The following IFFO1 variants were observed in gnomAD, a reference collection of about 807,000 sequenced individuals.
IFFO1 encodes intermediate filament family orphan 1.
IFFO1 carries 42 observed loss-of-function variants against 59.6 expected under a neutral mutation model. The observed-to-expected ratio is 0.70, with a 90% confidence interval of 0.55 to 0.91. The LOEUF is 0.91. Among genes scored for constraint, IFFO1 ranks in the 40% least tolerant of loss-of-function variants. The probability of loss-of-function intolerance (pLI) is 0.00; values close to 1 mark genes in which losing one functional copy is unlikely to be tolerated. For missense variants in IFFO1, 711 were observed against 793.2 expected, an observed-to-expected ratio of 0.90 and a Z score of 1.24; for synonymous variants, 336 against 342.8, an observed-to-expected ratio of 0.98 and a Z score of 0.22.
At position 6,555,192 on chromosome 12, in the gene IFFO1, C is replaced by T. The variant is rs1947378600; in HGVS notation, c.773+65G>A. 1.3e-6 allele frequency: 2 copies of T among 1,529,792 alleles called. No individual in the cohort carries two copies. The highest frequency in any genetic ancestry group is 1.8e-6 in the Non-Finnish European group (2 of 1,104,756). 94.8% of individuals were successfully genotyped at this position (1,529,792 alleles called of 1,614,324 possible). A position where few individuals can be genotyped will look rare whatever the true frequency, so the allele number is the denominator to read the frequency against. On this transcript the variant is annotated intron_variant, in intron 1 of 9. Transcript: ENST00000619571. This position sits in a 1 kb window ranked among gnomAD's most constrained non-coding sequence, Gnocchi z 8.6. ...CACCCCTGATTCTTCGGAACCCACA[C>T]CAACTCGCGGCCCGTTGTGAGTGGT...
intron 8 of IFFO1, among the ~76,000 whole-genome samples, chr12:6,543,122 G>T (rs927537132): frequency 6.6e-6 from 1 of 152,124 alleles, no homozygotes; most frequent in Non-Finnish European, 1.5e-5. Flanking sequence ...GAGCGGTGGG[G>T]AAGAACTGCC....
chr12:6,539,113 C>CAGTT (rs1946576718), downstream of IFFO1: 1 of 152,208 alleles, frequency 6.6e-6, no homozygotes, highest in Admixed American at 6.5e-5. Flanking sequence ...TTGCTTTGGG[C>CAGTT]AGTTACTCCC....
At position 6,548,557 on chromosome 12, in the gene IFFO1, G is replaced by C. The variant is rs758876927; in HGVS notation, c.1263-12C>G. 6.2e-7 allele frequency: 1 copy of C among 1,613,632 alleles called. No homozygotes were observed. Among genetic ancestry groups the C allele is most frequent in the Non-Finnish European group, 8.5e-7 (1 of 1,179,666 alleles). The stretch of plus-strand genomic sequence containing the variant: ...AATCATACTCCCTCCTAGAGACAGG[G>C]AACCCGGGTGTCAGGGCGGGCGGGG... On this transcript the variant is annotated splice_polypyrimidine_tract_variant and intron_variant, in intron 6 of 9. Transcript: ENST00000619571. This position sits in a 1 kb window ranked among gnomAD's most constrained non-coding sequence, Gnocchi z 6.1.
Position 6,549,683 on chromosome 12 carries a change from TC to T in IFFO1, c.1071+72del. On this transcript the variant is annotated intron_variant, in intron 4 of 9. Transcript: ENST00000619571. The surrounding 1 kb of genome is among the most constrained non-coding windows in gnomAD (Gnocchi z 5.0). The stretch of plus-strand genomic sequence containing the variant: ...CCCAAGCAGGAGGCAGGGCCTGCGT[TC>T]CAGGCCAGCCGCCACGGAAGCATCC... The T allele has an allele frequency of 6.4e-7, 1 of 1,551,588 alleles. No individual in the cohort carries two copies. The highest frequency in any genetic ancestry group is 1.2e-5 in the South Asian group (1 of 84,352).
chr12:6,540,143 C>CG lies in IFFO1; in HGVS notation c.*339_*340insC. On this transcript the variant is annotated 3_prime_UTR_variant, in exon 10 of 10. Coordinates refer to ENST00000619571, the MANE Select transcript of IFFO1 (RefSeq NM_001193457.2). ...CGGACAACAGGGATGGAGGAAAGGT[C>CG]CCACATTCACATTCCTGATACGTGG... The CG allele has an allele frequency of 7.5e-6, 3 of 400,998 alleles. No homozygotes were observed. The highest frequency in any genetic ancestry group is 2.5e-5 in the South Asian group (1 of 39,494). 24.8% of individuals were successfully genotyped at this position (400,998 alleles called of 1,614,324 possible). A position where few individuals can be genotyped will look rare whatever the true frequency, so the allele number is the denominator to read the frequency against.
At chr12:6,552,293 C>T (rs113178818) in intron 1 of IFFO1, among the ~76,000 whole-genome samples, 12 of 152,146 alleles carry the variant, frequency 7.9e-5, no homozygotes, top group Middle Eastern at 3.2e-3. Context: ...CACATCACCT[C>T]GACTGCCCCT....
rs186982854 is a variant in IFFO1, at chr12:6,541,933, C to T, written c.1480-291G>A. Among the ~76,000 whole-genome samples the T allele has an allele frequency of 3.2e-3, 483 of 152,222 alleles. 4 individuals carry two copies. The highest frequency in any genetic ancestry group is 0.011 in the African/African-American group (452 of 41,558). ...GAGTGGTGAGGAAAGTCAGTGTGGG[C>T]GGGATGGAGCAGATCCACAGGCTCC... is the stretch of plus-strand genomic sequence containing the variant. On this transcript the variant is annotated intron_variant, in intron 8 of 9. Coordinates refer to ENST00000619571, the MANE Select transcript of IFFO1 (RefSeq NM_001193457.2). The surrounding 1 kb of genome is among the most constrained non-coding windows in gnomAD (Gnocchi z 4.8).
At chr12:6,552,831 G>A (rs1947287646) in intron 1 of IFFO1, among the ~76,000 whole-genome samples, 1 of 152,188 alleles carries the variant, frequency 6.6e-6, no homozygotes, top group South Asian at 2.1e-4. Context: ...ACTTCACACA[G>A]ACAGGTTCAT....
In IFFO1 at chr12:6,549,423, A is replaced by T. The variant is rs928602288; in HGVS notation, c.1080+53T>A. ...AAACTGAGGGCCAGGAGGCCTAGGC[A>T]GCTTAGAAACTGGGACTGGGACATT... On this transcript the variant is annotated intron_variant, in intron 5 of 9. Coordinates refer to ENST00000619571, the MANE Select transcript of IFFO1 (RefSeq NM_001193457.2). The surrounding 1 kb of genome is among the most constrained non-coding windows in gnomAD (Gnocchi z 5.0). 3.6e-5 allele frequency: 58 copies of T among 1,610,842 alleles called. No homozygotes were observed. Among genetic ancestry groups the T allele is most frequent in the Admixed American group, 8.3e-5 (5 of 59,920 alleles).
In IFFO1 at chr12:6,541,591, T is replaced by C; in HGVS notation, c.1531A>G (p.Met511Val). The change falls in exon 9 of 10, where the codon ATG becomes GTG. Residue 511 changes from methionine to valine, a missense_variant. This residue lies in a region of IFFO1 where 579 missense variants were observed against 650.3 expected (regional missense o/e 0.89). Coordinates refer to ENST00000619571, the MANE Select transcript of IFFO1 (RefSeq NM_001193457.2). The surrounding 1 kb of genome is among the most constrained non-coding windows in gnomAD (Gnocchi z 4.8). Reference protein sequence around the residue: ...NDMNRHLHEYMEMCSMKRGLD... With the variant: ...NDMNRHLHEYVEMCSMKRGLD... ...CCGCGCTTCATGCTGCACATCTCCATGTACTCGTGCAGGTGCCGGTTCATG... is the reference window on the plus strand; with the variant it reads ...CCGCGCTTCATGCTGCACATCTCCACGTACTCGTGCAGGTGCCGGTTCATG... 2 of 1,614,176 alleles carry C rather than the reference T, an allele frequency of 1.2e-6. No homozygotes were observed. The highest frequency in any genetic ancestry group is 1.1e-5 in the South Asian group (1 of 91,084).
chr12:6,550,952 C>G lies in IFFO1; in HGVS notation c.823G>C (p.Glu275Gln). The change falls in exon 2 of 10, where the codon GAG becomes CAG. Residue 275 changes from glutamate to glutamine, a missense_variant. Around this residue, in one of 3 missense-constraint regions of IFFO1, gnomAD observed 579 missense variants for 650.3 expected, o/e 0.89. Transcript: ENST00000619571. ...GGCGCCACCCTCACCTCCTGGAGCT[C>G]ATTTACACGGTCTTGCAGCTGGATC... ...VRIQLQDRVN[E>Q]LQEEAQEADA... The G allele has an allele frequency of 6.2e-7, 1 of 1,614,220 alleles. No homozygotes were observed. The highest frequency in any genetic ancestry group is 1.1e-5 in the South Asian group (1 of 91,088).
chr12:6,539,051 G>C (rs190795812), downstream of IFFO1: 1 of 152,246 alleles, frequency 6.6e-6, no homozygotes, highest in Non-Finnish European at 1.5e-5. Flanking sequence ...GGGGCAAGGC[G>C]TGTAGCTGGG....
intron 1 of IFFO1, chr12:6,551,552 A>G: frequency 9.2e-7 from 1 of 1,084,052 alleles, no homozygotes; most frequent in East Asian, 5.8e-5. Context: ...GCCTGGTAGG[A>G]GACACTCAAA....
rs749628198 is a variant in IFFO1 at position 6,548,111 on chromosome 12, A to C, written c.1433T>G (p.Phe478Cys). The C allele has an allele frequency of 2.5e-6, 4 of 1,614,074 alleles. No homozygotes were observed. Among genetic ancestry groups the C allele is most frequent in the Non-Finnish European group, 1.7e-6 (2 of 1,179,978 alleles). ...EKVIKDTESL[F>C]KTREKEYQET... ...CTGATACTCCTTCTCCCGGGTTTTG[A>C]ACAGGGACTCCGTATCTTTAATCAC... is the stretch of plus-strand genomic sequence containing the variant. The change falls in exon 8 of 10, where the codon TTC becomes TGC. Residue 478 changes from phenylalanine (F) to cysteine (C), a missense_variant. Physicochemically the swap from Phe to Cys is radical, Grantham distance 205. Transcript: ENST00000619571. The surrounding 1 kb of genome is among the most constrained non-coding windows in gnomAD (Gnocchi z 6.1).
chr12:6,548,208 T>C lies in IFFO1; in HGVS notation c.1384-48A>G, dbSNP rs754632600. 8 of 1,503,098 alleles carry C rather than the reference T, an allele frequency of 5.3e-6. 1 individual carries two copies. The Admixed American group carries it at 1.0e-4, about 19-fold the overall frequency. The allele number at this position is 1,503,098 out of a possible 1,614,324, so 93.1% of individuals were successfully genotyped here. The stretch of plus-strand genomic sequence containing the variant: ...GGAGGCCAGCCAAGGAGGGATGGGA[T>C]GGGACGCATTCCAAAGGGCCAAGTC... On this transcript the variant is annotated intron_variant, in intron 7 of 9. Transcript: ENST00000619571. The surrounding 1 kb of genome is among the most constrained non-coding windows in gnomAD (Gnocchi z 6.1).
At position 6,555,464 on chromosome 12, in the gene IFFO1, G is replaced by A. The variant is rs2136152990; in HGVS notation, c.566C>T (p.Ala189Val). 4.3e-6 allele frequency: 7 copies of A among 1,613,322 alleles called. No homozygotes were observed. In the East Asian group the frequency reaches 6.7e-5, roughly 15 times the overall value. Residue 189 changes from alanine (A) to valine (V), a missense_variant, in exon 1 of 10, where the codon GCC becomes GTC. By Grantham distance (64) the Ala-to-Val change is moderately conservative. Transcript: ENST00000619571. The surrounding 1 kb of genome is among the most constrained non-coding windows in gnomAD (Gnocchi z 8.6). The stretch of plus-strand genomic sequence containing the variant: ...CCAGATGGTGCCGGGCATGAAGCGG[G>A]CCGACGAGGAATAGGTGGTGGAGGT... ...TSTSTTYSSS[A>V]RFMPGTIWSF...
In IFFO1 at chr12:6,541,652, G is replaced by A. The variant is rs1268833841; in HGVS notation, c.1480-10C>T. The A allele has an allele frequency of 3.7e-6, 6 of 1,612,976 alleles. No individual in the cohort carries two copies. The highest frequency in any genetic ancestry group is 1.3e-5 in the African/African-American group (1 of 74,924). Reference sequence around the variant, plus strand: ...CCGTGGCCAACTCCAGCTGTGGTGGGGCAGGCAGGGCCATCGGGGTTAACA... The same window carrying A: ...CCGTGGCCAACTCCAGCTGTGGTGGAGCAGGCAGGGCCATCGGGGTTAACA... On this transcript the variant is annotated splice_polypyrimidine_tract_variant and intron_variant, in intron 8 of 9. Coordinates refer to ENST00000619571, the MANE Select transcript of IFFO1 (RefSeq NM_001193457.2). This position sits in a 1 kb window ranked among gnomAD's most constrained non-coding sequence, Gnocchi z 4.8.
In IFFO1 at chr12:6,541,625, G is replaced by A; in HGVS notation, c.1497C>T (p.Ala499=). ...GCAGGTGCCGGTTCATGTCGTTCTT[G>A]GCCGTGGCCAACTCCAGCTGTGGTG... The part of the protein sequence containing the change: ...IDQIELELAT[A]KNDMNRHLHE... Residue 499 remains alanine (A), a synonymous_variant, in exon 9 of 10, where the codon GCC becomes GCT. Coordinates refer to ENST00000619571, the MANE Select transcript of IFFO1 (RefSeq NM_001193457.2). This position sits in a 1 kb window ranked among gnomAD's most constrained non-coding sequence, Gnocchi z 4.8. The A allele has an allele frequency of 6.2e-7, 1 of 1,614,118 alleles. No individual in the cohort carries two copies. Among genetic ancestry groups the A allele is most frequent in the Non-Finnish European group, 8.5e-7 (1 of 1,180,008 alleles).
At chr12:6,552,867 C>CT (rs1478244613) in intron 1 of IFFO1, among the ~76,000 whole-genome samples, 1 of 152,198 alleles carries the variant, frequency 6.6e-6, no homozygotes, top group African/African-American at 2.4e-5. Context: ...CATCTGGTCT[C>CT]ACTTATAAGG....
Sources: allele counts gnomAD v4.1 joint callset (sites outside exome capture counted in the v4.1 genomes callset), GRCh38; gene constraint gnomAD v4.1.1; regional missense constraint gnomAD v4.1.1; non-coding constraint Gnocchi (gnomAD v3.1); transcripts MANE v1.5; gene names NCBI Gene and HGNC (gene_info 2026-07-23, HGNC 2026-07-21).